Variants in CFAP206 observed in about 807,000 individuals in gnomAD.
CFAP206 encodes cilia and flagella associated protein 206, also known as cilia- and flagella-associated protein 206.
Under a neutral mutation model 65.4 loss-of-function variants are expected in CFAP206, and 53 were observed. That is an observed-to-expected ratio of 0.81 (90% CI 0.65 to 1.02). The LOEUF (loss-of-function observed/expected upper bound fraction) is 1.02, where lower values mean the gene tolerates loss of function less well. CFAP206 is among the 50% of genes least tolerant of loss of function. The pLI is 0.00. For missense variants in CFAP206, 663 were observed against 753.2 expected, an observed-to-expected ratio of 0.88 and a Z score of 1.40; for synonymous variants, 250 against 254.4, an observed-to-expected ratio of 0.98 and a Z score of 0.17.
chr6:87,426,867 A>T (rs1020561062), intron 8 of CFAP206, among the ~76,000 whole-genome samples: 3 of 152,234 alleles, frequency 2.0e-5, no homozygotes, highest in African/African-American at 7.2e-5. Context: ...GCAACTGTAT[A>T]GTATGATAAC....
At chr6:87,432,990 C>T (rs773426096) in intron 10 of CFAP206, among the ~76,000 whole-genome samples, 16 of 152,194 alleles carry the variant, frequency 1.1e-4, no homozygotes, top group African/African-American at 2.7e-4. Flanking sequence ...AATCCTTTTC[C>T]GATGACTTCA....
chr6:87,450,905 T>G (rs1768531580), intron 11 of CFAP206, among the ~76,000 whole-genome samples: 1 of 152,104 alleles, frequency 6.6e-6, no homozygotes, highest in Admixed American at 6.5e-5. Flanking sequence ...GCAAAGTGAT[T>G]GTTAGGACTT....
At chr6:87,444,015 T>C (rs998855935) in intron 11 of CFAP206, among the ~76,000 whole-genome samples, 2 of 152,218 alleles carry the variant, frequency 1.3e-5, no homozygotes, top group African/African-American at 4.8e-5. Flanking sequence ...TAGCATTTCT[T>C]CTTTAGATTG....
chr6:87,410,499 T>C, intron 2 of CFAP206, 86 bp from the exon 3 acceptor site: 3 of 1,032,974 alleles, frequency 2.9e-6, no homozygotes, highest in Non-Finnish European at 4.5e-6. Context: ...GTTTAAAAAA[T>C]GGAAACATAT....
intron 12 of CFAP206, among the ~76,000 whole-genome samples, chr6:87,462,554 G>A (rs1562012495): frequency 6.6e-6 from 1 of 152,152 alleles, no homozygotes; most frequent in East Asian, 1.9e-4. Flanking sequence ...GTACCTCCTT[G>A]TAAGTGGTGT....
At chr6:87,435,620 A>C (rs9450681) in intron 11 of CFAP206, 42,189 of 152,102 alleles carry the variant, frequency 0.28, 6,046 homozygotes, top group Admixed American at 0.38. Context: ...CGTATATTCT[A>C]ATGTTCTTCC....
chr6:87,423,440 G>A (rs891914078), intron 7 of CFAP206, among the ~76,000 whole-genome samples: 1 of 151,082 alleles, frequency 6.6e-6, no homozygotes, highest in Non-Finnish European at 1.5e-5. Flanking sequence ...AGTAGAGATG[G>A]GGTTTCACCG....
intron 8 of CFAP206, among the ~76,000 whole-genome samples, chr6:87,426,960 C>T (rs990753029): frequency 2.6e-5 from 4 of 152,058 alleles, no homozygotes; most frequent in Middle Eastern, 3.2e-3. Context: ...CAGAAATTGC[C>T]TCCAGTACAG....
chr6:87,451,601 G>C lies in CFAP206; in HGVS notation c.1495-9421G>C, dbSNP rs1768543984. 2.0e-5 allele frequency among the ~76,000 whole-genome samples: 3 copies of C among 152,038 alleles called. 1 individual carries two copies. Among genetic ancestry groups the C allele is most frequent in the South Asian group, 4.1e-4 (2 of 4,824 alleles). ...GGTGTGATCCAGCACATTCATAGCT[G>C]TGGTGGCCACAAGGAGAGACTCTTT... On this transcript the variant is annotated intron_variant, in intron 11 of 12. Coordinates refer to ENST00000369562, the MANE Select transcript of CFAP206 (RefSeq NM_001031743.3).
At chr6:87,454,293 C>T (rs1251411210) in intron 11 of CFAP206, among the ~76,000 whole-genome samples, 3 of 152,160 alleles carry the variant, frequency 2.0e-5, no homozygotes, top group Non-Finnish European at 4.4e-5. Context: ...TAGCTGGAGA[C>T]TTCAACATCC....
chr6:87,409,952 G>A lies in CFAP206; in HGVS notation c.108+5G>A, dbSNP rs546631959. 2 of 1,584,368 alleles carry A rather than the reference G, an allele frequency of 1.3e-6. No individual in the cohort carries two copies. The highest frequency in any genetic ancestry group is 1.7e-6 in the Non-Finnish European group (2 of 1,157,402). ...GAAACTCTGATTGCTTTTATGGTAA[G>A]AAGAAATATTTTTGTGATTACTGTT... is the stretch of plus-strand genomic sequence containing the variant. On this transcript the variant is annotated splice_donor_5th_base_variant and intron_variant, in intron 2 of 12. Transcript: ENST00000369562.
At chr6:87,431,344 G>A (rs1768151827) in intron 10 of CFAP206, among the ~76,000 whole-genome samples, 171 bp downstream of exon 10, 1 of 152,204 alleles carries the variant, frequency 6.6e-6, no homozygotes, top group Non-Finnish European at 1.5e-5. Context: ...AGGTGCTCTG[G>A]TAGACTGACA....
intron 11 of CFAP206, among the ~76,000 whole-genome samples, chr6:87,458,830 C>T (rs1045456518): frequency 7.2e-5 from 11 of 152,038 alleles, no homozygotes; most frequent in Non-Finnish European, 1.5e-4. Flanking sequence ...ATATTCATAA[C>T]AAGACATGAT....
chr6:87,440,510 G>A (rs1307232772), intron 11 of CFAP206, among the ~76,000 whole-genome samples: 1 of 152,030 alleles, frequency 6.6e-6, no homozygotes, highest in African/African-American at 2.4e-5. Context: ...TGTGGGGAGC[G>A]AGGGCATCAT....
At chr6:87,454,302 C>T (rs1159125763) in intron 11 of CFAP206, among the ~76,000 whole-genome samples, 1 of 152,144 alleles carries the variant, frequency 6.6e-6, no homozygotes, top group Non-Finnish European at 1.5e-5. Flanking sequence ...ACTTCAACAT[C>T]CCACTTTCAG....
intron 11 of CFAP206, 179 bp downstream of exon 11, chr6:87,435,232 T>C (rs1768238789): frequency 2.2e-6 from 1 of 464,824 alleles, no homozygotes. Context: ...CAAAGAATAA[T>C]GAAAACAGGA....
At chr6:87,445,283 G>A (rs1768424106) in intron 11 of CFAP206, 2 of 216,740 alleles carry the variant, frequency 9.2e-6, no homozygotes, top group South Asian at 1.3e-4. Flanking sequence ...TGCTGAGGTG[G>A]TTTGCTGCCC....
Position 87,464,123 on chromosome 6 carries a change from A to C in CFAP206, c.1742A>C (p.Gln581Pro). Residue 581 changes from glutamine to proline, a missense_variant, in exon 13 of 13, where the codon CAG becomes CCG. Physicochemically the swap from Gln to Pro is moderately conservative, Grantham distance 76. Coordinates refer to ENST00000369562, the MANE Select transcript of CFAP206 (RefSeq NM_001031743.3). The part of the protein sequence containing the change: ...QVYPPKDTST[Q>P]SMREDSTGVP... ...TACCCTCCAAAGGACACTAGCACCC[A>C]GTCCATGAGGGAAGACAGCACTGGG... 6.2e-7 allele frequency: 1 copy of C among 1,614,206 alleles called. No homozygotes were observed. Among genetic ancestry groups the C allele is most frequent in the Non-Finnish European group, 8.5e-7 (1 of 1,180,026 alleles).
chr6:87,415,875 G>A lies in CFAP206; in HGVS notation c.472+1G>A. On this transcript the variant is annotated splice_donor_variant, in intron 5 of 12. Coordinates refer to ENST00000369562, the MANE Select transcript of CFAP206 (RefSeq NM_001031743.3). LOFTEE classifies it high-confidence loss of function. ...ATCAAGACTGTCAGAGAGGTAACAG[G>A]TAAAAAGTATAACCAATTTCCATTT... 1.3e-6 allele frequency: 2 copies of A among 1,506,112 alleles called. No individual in the cohort carries two copies. 93.3% of individuals were successfully genotyped at this position (1,506,112 alleles called of 1,614,324 possible). A position where few individuals can be genotyped will look rare whatever the true frequency, so the allele number is the denominator to read the frequency against.
Sources: allele counts gnomAD v4.1 joint callset (sites outside exome capture counted in the v4.1 genomes callset), GRCh38; gene constraint gnomAD v4.1.1; transcripts MANE v1.5; gene names NCBI Gene and HGNC (gene_info 2026-07-23, HGNC 2026-07-21).